The following MAGI2 variants were observed in gnomAD, a reference collection of about 807,000 sequenced individuals.
MAGI2 encodes membrane associated guanylate kinase, WW and PDZ domain containing 2.
Under a neutral mutation model 133.3 loss-of-function variants are expected in MAGI2, and 35 were observed. That is an observed-to-expected ratio of 0.26 (90% CI 0.20 to 0.35). MAGI2 has a LOEUF of 0.35. MAGI2 is among the 10% of genes least tolerant of loss of function. The pLI, the probability that MAGI2 is intolerant of heterozygous loss-of-function variation, is 1.00. For synonymous variants in MAGI2, 729 were observed against 710.6 expected (o/e 1.03, Z -0.41); for missense variants, 1,636 against 1,863.4 (o/e 0.88, Z 2.25).
chr7:78,400,706 T>C (rs1182497283), intron 6 of MAGI2, among the ~76,000 whole-genome samples: 4 of 152,192 alleles, frequency 2.6e-5, no homozygotes, highest in African/African-American at 9.7e-5. Context: ...GGGTCCATCA[T>C]GATATTTTTA....
chr7:79,121,432 A>C (rs1156682509), intron 1 of MAGI2, among the ~76,000 whole-genome samples: 1 of 152,122 alleles, frequency 6.6e-6, no homozygotes, highest in African/African-American at 2.4e-5. Context: ...TTCTAAAAAA[A>C]AAAATTTTTA....
intron 9 of MAGI2, among the ~76,000 whole-genome samples, chr7:78,330,768 T>C (rs1017098961): frequency 6.6e-6 from 1 of 152,108 alleles, no homozygotes; most frequent in African/African-American, 2.4e-5. Flanking sequence ...ATGAACTTAT[T>C]ATAGTCAGGT....
intron 1 of MAGI2, among the ~76,000 whole-genome samples, chr7:79,297,367 G>A (rs952773411): frequency 6.6e-6 from 1 of 152,200 alleles, no homozygotes; most frequent in Non-Finnish European, 1.5e-5. Context: ...ATTGAGCTCA[G>A]TGCCTTCTCC....
intron 2 of MAGI2, among the ~76,000 whole-genome samples, chr7:78,930,914 T>G (rs771003163): frequency 6.6e-6 from 1 of 152,110 alleles, no homozygotes; most frequent in Non-Finnish European, 1.5e-5. Context: ...ACAGTAATTT[T>G]GGATGGGCAC....
intron 4 of MAGI2, chr7:78,518,345 G>A (rs571216704): frequency 3.9e-5 from 6 of 152,090 alleles, no homozygotes; most frequent in Non-Finnish European, 7.4e-5. Context: ...AGGATAGCAT[G>A]GCAGCCACAC....
intron 20 of MAGI2, among the ~76,000 whole-genome samples, chr7:78,091,077 T>TGA (rs1817161373): frequency 1.4e-5 from 2 of 147,902 alleles, no homozygotes; most frequent in South Asian, 2.1e-4. Context: ...TGTGTGTGTG[T>TGA]GATAAGAGAG....
chr7:78,455,872 C>T lies in MAGI2; in HGVS notation c.1045+33889G>A, dbSNP rs1395273448. Among the ~76,000 whole-genome samples the T allele has an allele frequency of 3.3e-5, 5 of 151,938 alleles. No homozygotes were observed. The South Asian group carries it at 8.3e-4, about 25-fold the overall frequency. ...CCTATTTTTTGTTTACAAAAGCTAC[C>T]CACATTTGCCCTTTTAGGAATCAGT... On this transcript the variant is annotated intron_variant, in intron 6 of 21. Transcript: ENST00000354212.
chr7:78,511,892 G>A (rs993942986), intron 4 of MAGI2, among the ~76,000 whole-genome samples: 1 of 151,126 alleles, frequency 6.6e-6, no homozygotes, highest in East Asian at 1.9e-4. Context: ...TCAGGAGATC[G>A]AGACCAGACT....
chr7:78,443,876 A>T (rs1787868214), intron 6 of MAGI2, among the ~76,000 whole-genome samples: 2 of 152,128 alleles, frequency 1.3e-5, no homozygotes, highest in Non-Finnish European at 2.9e-5. Flanking sequence ...ATGACCTGTC[A>T]TTCCTCTTTC....
At chr7:78,518,452 G>A (rs575335000) in intron 4 of MAGI2, 2 of 152,208 alleles carry the variant, frequency 1.3e-5, no homozygotes, top group South Asian at 4.2e-4. Flanking sequence ...TAGTTGATGG[G>A]ACAGTTAAGA....
At chr7:78,367,975 T>C (rs917231027) in intron 7 of MAGI2, among the ~76,000 whole-genome samples, 3 of 152,196 alleles carry the variant, frequency 2.0e-5, no homozygotes, top group Non-Finnish European at 4.4e-5. Flanking sequence ...TTGTATTTGT[T>C]CAGTGTCCAT....
chr7:79,186,224 A>ATATATATATATATATATATATT (rs1827107167), intron 1 of MAGI2, among the ~76,000 whole-genome samples: 2 of 106,996 alleles, frequency 1.9e-5, no homozygotes, highest in Non-Finnish European at 4.3e-5. Flanking sequence ...ATATATATAT[A>ATATATATATATATATATATATT]TATATATATA....
chr7:79,039,847 CATATATATT>C (rs1170326750), intron 1 of MAGI2, among the ~76,000 whole-genome samples: 2 of 140,420 alleles, frequency 1.4e-5, no homozygotes, highest in Admixed American at 7.5e-5. Context: ...ATTATATATA[CATATATATT>C]ATATATATAT....
chr7:78,778,717 C>T (rs1826168343), intron 2 of MAGI2, among the ~76,000 whole-genome samples: 1 of 152,096 alleles, frequency 6.6e-6, no homozygotes, highest in Non-Finnish European at 1.5e-5. Context: ...TCAAATTCTA[C>T]CACAAACTGT....
chr7:78,082,586 T>C (rs1338363444), intron 20 of MAGI2, among the ~76,000 whole-genome samples: 1 of 152,124 alleles, frequency 6.6e-6, no homozygotes, highest in Admixed American at 6.5e-5. Context: ...TCAGTGCCAT[T>C]GGGTGGTGAG....
At chr7:78,939,697 A>C (rs1425659688) in intron 2 of MAGI2, among the ~76,000 whole-genome samples, 1 of 152,156 alleles carries the variant, frequency 6.6e-6, no homozygotes, top group Non-Finnish European at 1.5e-5. Context: ...TGGGATGGGG[A>C]TCTCTCAATG....
intron 20 of MAGI2, among the ~76,000 whole-genome samples, chr7:78,122,230 A>C (rs1820543076): frequency 6.6e-6 from 1 of 152,146 alleles, no homozygotes; most frequent in South Asian, 2.1e-4. Context: ...CATGGTTAGT[A>C]TTTACACTTA....
chr7:78,358,798 G>T, intron 7 of MAGI2: 1 of 182,150 alleles, frequency 5.5e-6, no homozygotes, highest in South Asian at 1.1e-4. Context: ...TGCGGCTGCA[G>T]AAACAGGCCA....
At position 78,822,856 on chromosome 7, in the gene MAGI2, C is replaced by A. The variant is rs554770587; in HGVS notation, c.418+184234G>T. On this transcript the variant is annotated intron_variant, in intron 2 of 21. Coordinates refer to ENST00000354212, the MANE Select transcript of MAGI2 (RefSeq NM_012301.4). The stretch of plus-strand genomic sequence containing the variant: ...AGTTATGAGTATACAATGCAAGCCA[C>A]TAGAAAGTTAGAAGTTCTTGGATAG... Among the ~76,000 whole-genome samples, 4 of 152,252 alleles carry A rather than the reference C, an allele frequency of 2.6e-5. No homozygotes were observed. In the South Asian group the frequency reaches 8.3e-4, roughly 32 times the overall value.
Sources: gnomAD v4.1 joint callset for allele counts (sites outside exome capture counted in the v4.1 genomes callset) on GRCh38, gnomAD v4.1.1 for gene constraint, MANE v1.5 for transcripts, NCBI Gene and HGNC (gene_info 2026-07-23, HGNC 2026-07-21) for gene names.